ZFP1: variants seen among roughly 807,000 people sequenced by gnomAD.
The protein encoded by ZFP1 is zinc finger protein 1 homolog.
ZFP1 carries 32 observed loss-of-function variants against 38.5 expected under a neutral mutation model. The ratio of observed to expected loss-of-function variants is 0.83; its 90% CI spans 0.63 to 1.12. The LOEUF (loss-of-function observed/expected upper bound fraction) is 1.12. Ranked by LOEUF, ZFP1 falls within the 50% of genes most tolerant of loss-of-function variation. The pLI is 0.00. For missense variants in ZFP1, 616 were observed against 480.8 expected (o/e 1.28, Z -2.63); for synonymous variants, 245 against 168.8 (o/e 1.45, Z -3.50).
chr16:75,167,681 C>T (rs939775050), intron 3 of ZFP1, among the ~76,000 whole-genome samples: 6 of 152,150 alleles, frequency 3.9e-5, no homozygotes, highest in Admixed American at 6.5e-5. Context: ...TGCACTGTAG[C>T]GTCCACCTCC....
the ZFP1 span, among the ~76,000 whole-genome samples, chr16:75,135,209 C>CAAA: frequency 4.7e-4 from 7 of 14,954 alleles, no homozygotes; most frequent in African/African-American, 9.8e-4. Flanking sequence ...GACCTTATCT[C>CAAA]AAAAAAAAAA....
At chr16:75,165,610 G>A (rs1163470890) in intron 2 of ZFP1, among the ~76,000 whole-genome samples, 1 of 151,978 alleles carries the variant, frequency 6.6e-6, no homozygotes, top group Non-Finnish European at 1.5e-5. Context: ...TGCCAGGTTG[G>A]TCCCGAACAC....
rs148124573 is a variant in ZFP1 at position 75,162,533 on chromosome 16, A to G, written c.16-4237A>G. On this transcript the variant is annotated intron_variant, in intron 2 of 3. Transcript: ENST00000570010. ...AAGATTTTTTTTAAATATAATTTCA[A>G]CTTATTTGAGATTTGGGGGTACATG... is the stretch of plus-strand genomic sequence containing the variant. Among the ~76,000 whole-genome samples the G allele has an allele frequency of 3.7e-3, 559 of 152,180 alleles. 3 individuals carry two copies. The highest frequency in any genetic ancestry group is 0.013 in the African/African-American group (539 of 41,504).
At chr16:75,135,225 A>AAAAAAAAAC in the ZFP1 span, among the ~76,000 whole-genome samples, 1 of 150,118 alleles carries the variant, frequency 6.7e-6, no homozygotes. Context: ...AAAAAAAAAA[A>AAAAAAAAAC]AAAAAAAACC....
chr16:75,160,159 A>G (rs1567531363), intron 2 of ZFP1, among the ~76,000 whole-genome samples: 2 of 152,200 alleles, frequency 1.3e-5, no homozygotes, highest in Non-Finnish European at 1.5e-5. Context: ...TGGCTTCTGT[A>G]GCGCCATCAT....
At chr16:75,166,937 G>C in intron 3 of ZFP1, 41 bp downstream of exon 3, 6 of 1,591,088 alleles carry the variant, frequency 3.8e-6, no homozygotes, top group Non-Finnish European at 5.1e-6. Context: ...TGTGCCTAGA[G>C]GTATTTATGT....
chr16:75,152,801 G>A (rs935960502), intron 1 of ZFP1, 108 bp from the exon 2 acceptor site: 9 of 955,728 alleles, frequency 9.4e-6, no homozygotes, highest in Middle Eastern at 2.2e-4. Context: ...TTCCCAGGAG[G>A]TGGTATTTTC....
the ZFP1 span, among the ~76,000 whole-genome samples, chr16:75,125,926 C>G: frequency 1.3e-5 from 2 of 151,302 alleles, no homozygotes; most frequent in Non-Finnish European, 2.9e-5. Context: ...CCTGTAATCC[C>G]AGTTACTCAG....
rs930740294 is a variant in ZFP1 at position 75,166,754 on chromosome 16, C to T, written c.16-16C>T. Reference sequence around the variant, plus strand: ...CAAATGATCATCTTAGGATGAATAACAATATGCCATTTCAGGGATCAGTTT... The same window carrying T: ...CAAATGATCATCTTAGGATGAATAATAATATGCCATTTCAGGGATCAGTTT... On this transcript the variant is annotated splice_polypyrimidine_tract_variant and intron_variant, in intron 2 of 3. Coordinates refer to ENST00000570010, the MANE Select transcript of ZFP1 (RefSeq NM_153688.4). The T allele has an allele frequency of 2.5e-6, 4 of 1,614,056 alleles. No homozygotes were observed. In the East Asian group the frequency reaches 6.7e-5, roughly 27 times the overall value.
At chr16:75,164,636 G>T (rs982219421) in intron 2 of ZFP1, among the ~76,000 whole-genome samples, 4 of 152,068 alleles carry the variant, frequency 2.6e-5, no homozygotes, top group African/African-American at 9.7e-5. Context: ...TAGATCGGGG[G>T]TGTCAAACTC....
chr16:75,133,739 T>C, the ZFP1 span, among the ~76,000 whole-genome samples: 3 of 152,240 alleles, frequency 2.0e-5, no homozygotes, highest in Non-Finnish European at 2.9e-5. Flanking sequence ...TGTGTCCATG[T>C]ACATTTTAGA....
chr16:75,135,260 C>CAAAAAGTGAGTGGATAAACCAACTGTA, the ZFP1 span, among the ~76,000 whole-genome samples: 1 of 130,210 alleles, frequency 7.7e-6, no homozygotes, highest in South Asian at 2.6e-4. Context: ...AGAGATCCTT[C>CAAAAAGTGAGTGGATAAACCAACTGTA]ACTCATTCAT....
intron 2 of ZFP1, among the ~76,000 whole-genome samples, chr16:75,159,968 C>G (rs969259031): frequency 8.5e-5 from 13 of 152,176 alleles, no homozygotes; most frequent in African/African-American, 2.9e-4. Flanking sequence ...GTATCTCTAT[C>G]TTTCTGGATT....
At chr16:75,127,426 C>T in the ZFP1 span, among the ~76,000 whole-genome samples, 1 of 152,070 alleles carries the variant, frequency 6.6e-6, no homozygotes, top group Non-Finnish European at 1.5e-5. Flanking sequence ...AAGAGGGAAG[C>T]ATGAGGAGAT....
intron 2 of ZFP1, among the ~76,000 whole-genome samples, chr16:75,154,409 G>T (rs1226732101): frequency 1.3e-5 from 2 of 152,120 alleles, no homozygotes; most frequent in African/African-American, 4.8e-5. Context: ...ATAAACATCT[G>T]TGTGCAGGTT....
the ZFP1 span, among the ~76,000 whole-genome samples, chr16:75,128,865 A>G: frequency 0.31 from 47,928 of 152,168 alleles, 7,749 homozygotes; most frequent in Non-Finnish European, 0.34. Context: ...ATCTTGGCTC[A>G]TTGCAACCTC....
Position 75,169,491 on chromosome 16 carries a change from A to G in ZFP1, c.381A>G (p.Ala127=). The change falls in exon 4 of 4, where the codon GCA becomes GCG. Residue 127 remains alanine, a synonymous_variant. Coordinates refer to ENST00000570010, the MANE Select transcript of ZFP1 (RefSeq NM_153688.4). ...SDLLNSNRSY[A]GKQTDECNEF... is the part of the protein sequence containing the mutation. ...TGCTTAATAGTAATAGAAGCTATGC[A>G]GGAAAGCAGACTGATGAGTGTAATG... The G allele has an allele frequency of 6.2e-7, 1 of 1,613,080 alleles. No individual in the cohort carries two copies. The highest frequency in any genetic ancestry group is 8.5e-7 in the Non-Finnish European group (1 of 1,179,840).
chr16:75,133,139 A>G, the ZFP1 span, among the ~76,000 whole-genome samples: 1 of 151,152 alleles, frequency 6.6e-6, no homozygotes, highest in South Asian at 2.1e-4. Context: ...CACCACGCCC[A>G]GCTAATTTTG....
chr16:75,165,753 T>A (rs991219899), intron 2 of ZFP1, among the ~76,000 whole-genome samples: 4 of 152,052 alleles, frequency 2.6e-5, no homozygotes, highest in Admixed American at 6.6e-5. Context: ...GTACTTGGGG[T>A]TGCTGGTTTT....
Sources: allele counts gnomAD v4.1 joint callset (sites outside exome capture counted in the v4.1 genomes callset), GRCh38; gene constraint gnomAD v4.1.1; transcripts MANE v1.5; gene names NCBI Gene and HGNC (gene_info 2026-07-23, HGNC 2026-07-21).